Variants in PCDHA4 observed in about 807,000 individuals in gnomAD.
PCDHA4 encodes the protein protocadherin alpha-4.
Under a neutral mutation model 61.4 loss-of-function variants are expected in PCDHA4, and 49 were observed. The observed-to-expected ratio is 0.80, with a 90% CI of 0.63 to 1.01. The LOEUF (loss-of-function observed/expected upper bound fraction) is 1.01. PCDHA4 is among the 50% of genes least tolerant of loss of function. PCDHA4 has a pLI of 0.00. For missense variants in PCDHA4, 1,254 were observed against 1,235.8 expected (o/e 1.01, Z -0.22); for synonymous variants, 590 against 550.3 (o/e 1.07, Z -1.01).
intron 1 of PCDHA4, chr5:140,823,200 G>A (rs782300016): frequency 5.0e-6 from 8 of 1,613,750 alleles, no homozygotes; most frequent in Non-Finnish European, 6.8e-6. Context: ...ACATCTTCAC[G>A]GTGTCTGCAC....
intron 1 of PCDHA4, among the ~76,000 whole-genome samples, chr5:140,951,286 T>G (rs537000082): frequency 7.9e-5 from 12 of 152,352 alleles, no homozygotes; most frequent in African/African-American, 2.6e-4. Context: ...TAATTTTGGA[T>G]TATATCTTGA....
chr5:140,823,675 C>A, intron 1 of PCDHA4: 2 of 1,614,056 alleles, frequency 1.2e-6, no homozygotes, highest in Non-Finnish European at 1.7e-6. Flanking sequence ...CAGCACAACA[C>A]GCTCTCTGGA....
chr5:140,923,573 A>C (rs1180737452), intron 1 of PCDHA4, among the ~76,000 whole-genome samples: 2 of 152,214 alleles, frequency 1.3e-5, no homozygotes, highest in African/African-American at 4.8e-5. Flanking sequence ...GGTCCTGCTA[A>C]AGAGAAGGTT....
rs1554263662 is a variant in PCDHA4 at position 141,011,810 on chromosome 5, G to A, written c.*1873G>A. The A allele has an allele frequency of 6.5e-6, 1 of 153,716 alleles. No individual in the cohort carries two copies. The highest frequency in any genetic ancestry group is 1.9e-4 in the East Asian group (1 of 5,198). 9.5% of individuals were successfully genotyped at this position (153,716 alleles called of 1,614,324 possible). ...ATGGTATCTGAAATATCAGCTCATA[G>A]AAAGTAACAAAATTTGCTGTCACCT... On this transcript the variant is annotated 3_prime_UTR_variant, in exon 4 of 4. Coordinates refer to ENST00000530339, the MANE Select transcript of PCDHA4 (RefSeq NM_018907.4).
At chr5:140,890,747 G>C (rs2062780711) in intron 1 of PCDHA4, among the ~76,000 whole-genome samples, 1 of 152,024 alleles carries the variant, frequency 6.6e-6, no homozygotes, top group African/African-American at 2.4e-5. Context: ...TACTATTTCT[G>C]TCATGCTTTA....
intron 1 of PCDHA4, among the ~76,000 whole-genome samples, chr5:140,833,285 G>A (rs1166936002): frequency 1.3e-5 from 2 of 152,118 alleles, no homozygotes; most frequent in Non-Finnish European, 2.9e-5. Flanking sequence ...ATTTAGGAAA[G>A]CATCTGAATA....
In PCDHA4 at chr5:140,893,987, T is replaced by C. The variant is rs112405686; in HGVS notation, c.2385+84415T>C. Among the ~76,000 whole-genome samples, 507 of 152,320 alleles carry C rather than the reference T, an allele frequency of 3.3e-3. 2 individuals carry two copies. The highest frequency in any genetic ancestry group is 0.012 in the African/African-American group (487 of 41,562). ...TAGATACTTTTATAATTTTAAAATA[T>C]CTCCAATTGTATGGTTGGTTCAAAT... is the stretch of plus-strand genomic sequence containing the variant. On this transcript the variant is annotated intron_variant, in intron 1 of 3. Transcript: ENST00000530339.
intron 1 of PCDHA4, among the ~76,000 whole-genome samples, chr5:140,916,649 G>A (rs1331435832): frequency 6.6e-6 from 1 of 152,166 alleles, no homozygotes; most frequent in Non-Finnish European, 1.5e-5. Flanking sequence ...TGGCTGAGCT[G>A]GTATCCAAGA....
chr5:140,927,308 C>T (rs782694957), intron 1 of PCDHA4: 3 of 1,614,186 alleles, frequency 1.9e-6, no homozygotes, highest in Non-Finnish European at 2.5e-6. Flanking sequence ...TTCCTGACGC[C>T]CGGAGCCCGC....
At chr5:140,877,443 C>T (rs376417721) in intron 1 of PCDHA4, 1 of 1,613,844 alleles carries the variant, frequency 6.2e-7, no homozygotes, top group East Asian at 2.2e-5. Flanking sequence ...ACGGTGAGCC[C>T]GCGCTGACGT....
intron 1 of PCDHA4, among the ~76,000 whole-genome samples, chr5:140,914,475 T>A (rs1473439533): frequency 6.6e-6 from 1 of 152,204 alleles, no homozygotes; most frequent in Non-Finnish European, 1.5e-5. Context: ...TCTTCATAGG[T>A]GAAGTGTTTC....
chr5:140,946,611 A>AATAT (rs1554217734), intron 1 of PCDHA4, among the ~76,000 whole-genome samples: 1,089 of 86,784 alleles, frequency 0.013, 135 homozygotes, highest in African/African-American at 0.062. Flanking sequence ...GAAAATGTGA[A>AATAT]ATATATATAT....
At chr5:140,921,681 C>T (rs1554200353) in intron 1 of PCDHA4, among the ~76,000 whole-genome samples, 1 of 152,136 alleles carries the variant, frequency 6.6e-6, no homozygotes, top group East Asian at 1.9e-4. Context: ...TATCATCAAA[C>T]ACTGGCCACC....
chr5:140,883,881 G>A (rs782379771), intron 1 of PCDHA4: 13 of 1,613,320 alleles, frequency 8.1e-6, no homozygotes, highest in Non-Finnish European at 1.1e-5. Flanking sequence ...GTGAGCGCGC[G>A]CGACTCTGGC....
Position 140,824,088 on chromosome 5 carries a change from C to G in PCDHA4, c.2385+14516C>G, listed in dbSNP as rs145264014. On this transcript the variant is annotated intron_variant, in intron 1 of 3. Transcript: ENST00000530339. Reference sequence around the variant, plus strand: ...CACCCAAAACAGACCTCATGGCCTTCAGTCCAAGCCTTCCTCAGGGTCCCA... The same window carrying G: ...CACCCAAAACAGACCTCATGGCCTTGAGTCCAAGCCTTCCTCAGGGTCCCA... 1,047 of 1,614,190 alleles carry G rather than the reference C, an allele frequency of 6.5e-4. 5 individuals are homozygous for G. In the African/African-American group the frequency reaches 0.012, roughly 19 times the overall value.
At position 140,830,276 on chromosome 5, in the gene PCDHA4, G is replaced by A. The variant is rs2150184038; in HGVS notation, c.2385+20704G>A. On this transcript the variant is annotated intron_variant, in intron 1 of 3. Transcript: ENST00000530339. The stretch of plus-strand genomic sequence containing the variant: ...GCTGCGGTGCTCGGCGCCACCCACC[G>A]AGGGCGCGTGCACGGCGGACAAGCC... The A allele has an allele frequency of 2.4e-5, 38 of 1,613,712 alleles. No individual in the cohort carries two copies. Among genetic ancestry groups the A allele is most frequent in the East Asian group, 2.2e-4 (10 of 44,876 alleles).
intron 1 of PCDHA4, chr5:140,861,390 C>G (rs970688451): frequency 2.0e-5 from 9 of 450,942 alleles, no homozygotes; most frequent in Admixed American, 6.9e-5. Flanking sequence ...GGACCTGGGT[C>G]TGGAGCTTGT....
rs373714901 is a variant in PCDHA4, at chr5:140,898,150, G to T, written c.2386-80799G>T. 6.9e-3 allele frequency among the ~76,000 whole-genome samples: 1,047 copies of T among 152,166 alleles called. 8 individuals are homozygous for T. The highest frequency in any genetic ancestry group is 0.024 in the African/African-American group (1,013 of 41,482). ...CCCATTTTGTAGGTTGCCTGTTCAC[G>T]CTGATGGTGGTTTCTTTTGCTGTGC... On this transcript the variant is annotated intron_variant, in intron 1 of 3. Transcript: ENST00000530339.
rs1314972050 is a variant in PCDHA4, at chr5:141,011,103, T to A, written c.*1166T>A. 6.5e-6 allele frequency: 1 copy of A among 153,762 alleles called. No individual in the cohort carries two copies. Among genetic ancestry groups the A allele is most frequent in the Non-Finnish European group, 1.5e-5 (1 of 68,036 alleles). The allele number at this position is 153,762 out of a possible 1,614,324, so 9.5% of individuals were successfully genotyped here. A position where few individuals can be genotyped will look rare whatever the true frequency, so the allele number is the denominator to read the frequency against. On this transcript the variant is annotated 3_prime_UTR_variant, in exon 4 of 4. Coordinates refer to ENST00000530339, the MANE Select transcript of PCDHA4 (RefSeq NM_018907.4). ...TGATCTCTCTTTCTCTCTCTCTCTC[T>A]CTTTTCTAAGAAACAATTATGTGCA... is the stretch of plus-strand genomic sequence containing the variant.
Sources: gnomAD v4.1 joint callset for allele counts (sites outside exome capture counted in the v4.1 genomes callset) on GRCh38, gnomAD v4.1.1 for gene constraint, MANE v1.5 for transcripts, NCBI Gene and HGNC (gene_info 2026-07-23, HGNC 2026-07-21) for gene names.